Variants in PRDM10 observed in about 807,000 individuals in gnomAD.
The protein encoded by PRDM10 is PR domain zinc finger protein 10.
In PRDM10, 65 loss-of-function variants were observed where a neutral mutation model predicts 133.1. That is an observed-to-expected ratio of 0.49 (90% CI 0.40 to 0.60). PRDM10 has a LOEUF of 0.60. PRDM10 is among the 20% of genes least tolerant of loss of function. The pLI, the probability that PRDM10 is intolerant of heterozygous loss-of-function variation, is 0.00. For synonymous variants in PRDM10, 582 were observed against 580.4 expected (o/e 1.00, Z -0.04); for missense variants, 1,137 against 1,507.1 (o/e 0.75, Z 4.07).
intron 1 of PRDM10, among the ~76,000 whole-genome samples, chr11:129,980,333 G>A (rs927859611): frequency 3.9e-5 from 6 of 152,148 alleles, no homozygotes; most frequent in African/African-American, 1.2e-4. Flanking sequence ...CTTGACCCCC[G>A]GGGCCGCACA....
chr11:129,925,284 G>A (rs1950643040), intron 11 of PRDM10, 55 bp from the exon 12 acceptor site: 1 of 1,470,156 alleles, frequency 6.8e-7, no homozygotes. Context: ...AGTGCAACTG[G>A]ATCACACTTT....
chr11:129,910,803 T>G (rs1950166648), intron 18 of PRDM10, 147 bp from the exon 19 acceptor site: 5 of 842,010 alleles, frequency 5.9e-6, no homozygotes, highest in Non-Finnish European at 8.6e-6. Context: ...TGAGATGGAG[T>G]TTCACTCTTA....
intron 20 of PRDM10, among the ~76,000 whole-genome samples, chr11:129,903,300 AAATAAT>A (rs55765531): frequency 0.17 from 23,252 of 137,832 alleles, 2,162 homozygotes; most frequent in African/African-American, 0.26. Context: ...CTCCGTCTCA[AAATAAT>A]AATAATAATA....
chr11:129,940,999 T>C (rs1412610631), intron 7 of PRDM10, among the ~76,000 whole-genome samples: 3 of 152,202 alleles, frequency 2.0e-5, no homozygotes, highest in Non-Finnish European at 4.4e-5. Context: ...TTTTTTCTAA[T>C]CAGGAATTTA....
intron 1 of PRDM10, among the ~76,000 whole-genome samples, chr11:129,994,694 C>T (rs542459672): frequency 4.7e-4 from 71 of 152,152 alleles, no homozygotes; most frequent in African/African-American, 1.6e-3. Flanking sequence ...CTCTGACGCC[C>T]AGGCTGGAGT....
At position 129,902,170 on chromosome 11, in the gene PRDM10, A is replaced by G. The variant is rs1204893213; in HGVS notation, c.*143T>C. On this transcript the variant is annotated 3_prime_UTR_variant, in exon 21 of 21. Coordinates refer to ENST00000360871, the MANE Select transcript of PRDM10 (RefSeq NM_199437.2). The stretch of plus-strand genomic sequence containing the variant: ...AGATGACCTTGGCAAAATAAACCCC[A>G]GTGTATGGATGAGAGACAAAACTGT... The G allele has an allele frequency of 1.7e-6, 2 of 1,163,446 alleles. No individual in the cohort carries two copies. The highest frequency in any genetic ancestry group is 1.6e-5 in the African/African-American group (1 of 63,966). The allele number at this position is 1,163,446 out of a possible 1,614,324, so 72.1% of individuals were successfully genotyped here.
chr11:129,935,088 C>T lies in PRDM10; in HGVS notation c.1157+13G>A. On this transcript the variant is annotated intron_variant, in intron 9 of 20. Transcript: ENST00000360871. ...ATGAACTCAGTCTGTGAGCATTTCT[C>T]CCTCATACATACCTGCTAAACACAT... 1 of 1,591,874 alleles carries T rather than the reference C, an allele frequency of 6.3e-7. No homozygotes were observed. The highest frequency in any genetic ancestry group is 1.3e-5 in the African/African-American group (1 of 74,592).
chr11:129,963,944 C>T (rs188994826), intron 1 of PRDM10, among the ~76,000 whole-genome samples: 18 of 152,316 alleles, frequency 1.2e-4, no homozygotes, highest in African/African-American at 3.6e-4. Flanking sequence ...CAATCCCAAA[C>T]GGTTCCCTGC....
intron 4 of PRDM10, among the ~76,000 whole-genome samples, chr11:129,953,104 C>G (rs1324890893): frequency 6.7e-6 from 1 of 149,786 alleles, no homozygotes; most frequent in African/African-American, 2.5e-5. Flanking sequence ...CTCCTGAGTA[C>G]TCAGCTAGGA....
chr11:129,975,948 G>A (rs1172589709), intron 1 of PRDM10, among the ~76,000 whole-genome samples: 2 of 152,220 alleles, frequency 1.3e-5, no homozygotes, highest in Non-Finnish European at 2.9e-5. Flanking sequence ...AGTTGTACTA[G>A]AGGTGGGGTC....
intron 1 of PRDM10, among the ~76,000 whole-genome samples, chr11:130,001,804 G>A (rs1349211221): frequency 6.6e-6 from 1 of 152,084 alleles, no homozygotes; most frequent in Non-Finnish European, 1.5e-5. Context: ...CCCGAGCGCC[G>A]ACCGGCCTCG....
intron 5 of PRDM10, among the ~76,000 whole-genome samples, chr11:129,946,491 T>C (rs1337716556): frequency 6.6e-6 from 1 of 151,788 alleles, no homozygotes; most frequent in Non-Finnish European, 1.5e-5. Flanking sequence ...CTTTGCCACA[T>C]AAGCAAGAAA....
chr11:129,930,247 T>C (rs1401072371), intron 11 of PRDM10, among the ~76,000 whole-genome samples: 1 of 152,232 alleles, frequency 6.6e-6, no homozygotes, highest in Non-Finnish European at 1.5e-5. Context: ...AATATGTCTT[T>C]ATGCACTCAG....
At chr11:130,002,413 A>G (rs989854368) in intron 1 of PRDM10, among the ~76,000 whole-genome samples, 47 of 152,186 alleles carry the variant, frequency 3.1e-4, no homozygotes, top group Middle Eastern at 6.8e-3. Flanking sequence ...GGCCTGCTGG[A>G]GGGGGCCTTG....
chr11:129,925,113 C>G lies in PRDM10; in HGVS notation c.1647G>C (p.Gly549=). ...DKLDQHLRFH[G]REGNCPLTCD... The stretch of plus-strand genomic sequence containing the variant: ...AGGTCAGTGGGCAGTTCCCCTCCCG[C>G]CCATGGAAGCGTAAGTGCTGGTCCA... Residue 549 remains glycine, a synonymous_variant, in exon 12 of 21, where the codon GGG becomes GGC. Transcript: ENST00000360871. 6.2e-7 allele frequency: 1 copy of G among 1,614,202 alleles called. No individual in the cohort carries two copies. Among genetic ancestry groups the G allele is most frequent in the Non-Finnish European group, 8.5e-7 (1 of 1,180,040 alleles).
chr11:129,943,209 T>C (rs1374764305), intron 6 of PRDM10, among the ~76,000 whole-genome samples: 2 of 152,196 alleles, frequency 1.3e-5, no homozygotes, highest in Admixed American at 1.3e-4. Context: ...AAGGGTCAGC[T>C]GTAAAGAGAT....
Position 129,914,985 on chromosome 11 carries a change from G to T in PRDM10, c.2560C>A (p.Pro854Thr). The change falls in exon 17 of 21, where the codon CCA (proline) becomes ACA (threonine). Residue 854 changes from proline (P) to threonine (T), a missense_variant. Physicochemically the swap from Pro to Thr is conservative, Grantham distance 38. Around this residue, in one of 6 missense-constraint regions of PRDM10, gnomAD observed 113 missense variants for 143.7 expected, o/e 0.79. Coordinates refer to ENST00000360871, the MANE Select transcript of PRDM10 (RefSeq NM_199437.2). Reference sequence around the variant, plus strand: ...GTGTTGGAGAGCTGGGCGAACTCTGGATGCTTCTTTCGAATGTGCTGGACC... The same window carrying T: ...GTGTTGGAGAGCTGGGCGAACTCTGTATGCTTCTTTCGAATGTGCTGGACC... ...KMVQHIRKKH[P>T]EFAQLSNTIH... 6.2e-7 allele frequency: 1 copy of T among 1,605,646 alleles called. No individual in the cohort carries two copies. The highest frequency in any genetic ancestry group is 8.5e-7 in the Non-Finnish European group (1 of 1,172,696).
chr11:129,912,002 G>A lies in PRDM10; in HGVS notation c.2982+83C>T, dbSNP rs370547194. On this transcript the variant is annotated intron_variant, in intron 18 of 20. Coordinates refer to ENST00000360871, the MANE Select transcript of PRDM10 (RefSeq NM_199437.2). Reference sequence around the variant, plus strand: ...AACAGTAGCTGAGGAGACTAGGTCTGAAGAGAATGTCTTCCCTCTCATTAA... The same window carrying A: ...AACAGTAGCTGAGGAGACTAGGTCTAAAGAGAATGTCTTCCCTCTCATTAA... 33 of 1,426,694 alleles carry A rather than the reference G, an allele frequency of 2.3e-5. No homozygotes were observed. The East Asian group carries it at 5.3e-4, about 23-fold the overall frequency. 88.4% of individuals were successfully genotyped at this position (1,426,694 alleles called of 1,614,324 possible). A position where few individuals can be genotyped will look rare whatever the true frequency, so the allele number is the denominator to read the frequency against.
chr11:129,922,609 CAGA>C (rs978587171), intron 13 of PRDM10, among the ~76,000 whole-genome samples: 8 of 152,178 alleles, frequency 5.3e-5, no homozygotes, highest in African/African-American at 1.9e-4. Context: ...TCATTTTCAG[CAGA>C]AGGTCTTCCA....
Sources: allele counts gnomAD v4.1 joint callset (sites outside exome capture counted in the v4.1 genomes callset), GRCh38; gene constraint gnomAD v4.1.1; regional missense constraint gnomAD v4.1.1; transcripts MANE v1.5; gene names NCBI Gene and HGNC (gene_info 2026-07-23, HGNC 2026-07-21).